Variants in CCDC7 observed in about 807,000 individuals in gnomAD.
The protein encoded by CCDC7 is coiled-coil domain-containing protein 7.
In CCDC7, 183 loss-of-function variants were observed where a neutral mutation model predicts 196.9. The observed-to-expected ratio is 0.93, with a 90% CI of 0.82 to 1.05. CCDC7 has a LOEUF of 1.05. Ranked by LOEUF, CCDC7 falls within the 50% of genes least tolerant of loss-of-function variation. The pLI is 0.00. For missense variants in CCDC7, 1,540 were observed against 1,482.2 expected (o/e 1.04, Z -0.64); for synonymous variants, 525 against 484.6 (o/e 1.08, Z -1.10).
At chr10:32,561,962 A>G (rs2055755220) in intron 13 of CCDC7, among the ~76,000 whole-genome samples, 1 of 152,018 alleles carries the variant, frequency 6.6e-6, no homozygotes, top group African/African-American at 2.4e-5. Flanking sequence ...AAAATGATAA[A>G]GGGGATATCA....
chr10:32,454,001 A>G (rs1319111685), intron 2 of CCDC7, among the ~76,000 whole-genome samples: 5 of 152,264 alleles, frequency 3.3e-5, no homozygotes, highest in Non-Finnish European at 7.3e-5. Flanking sequence ...GGTATAGCAT[A>G]CAATGAAATA....
intron 18 of CCDC7, among the ~76,000 whole-genome samples, chr10:32,596,599 A>G (rs140293935): frequency 0.052 from 7,851 of 152,226 alleles, 667 homozygotes; most frequent in African/African-American, 0.18. Context: ...TATTTTGCTC[A>G]TTAGTTGATG....
chr10:32,639,913 G>A (rs557002226), intron 20 of CCDC7, among the ~76,000 whole-genome samples: 11 of 152,134 alleles, frequency 7.2e-5, no homozygotes, highest in South Asian at 2.1e-4. Flanking sequence ...CACTGCACCC[G>A]ACCAATTTCT....
intron 29 of CCDC7, among the ~76,000 whole-genome samples, chr10:32,785,430 A>G (rs1478460354): frequency 6.6e-6 from 1 of 152,188 alleles, no homozygotes; most frequent in Non-Finnish European, 1.5e-5. Context: ...TTAAAACACT[A>G]CACATAAGCA....
intron 9 of CCDC7, chr10:32,514,511 A>G (rs1046740390): frequency 6.6e-6 from 1 of 152,230 alleles, no homozygotes; most frequent in African/African-American, 2.4e-5. Flanking sequence ...CAGAGGGAGC[A>G]TGGCTGTGCC....
chr10:32,747,508 A>G (rs553301440), intron 28 of CCDC7, among the ~76,000 whole-genome samples: 1 of 152,314 alleles, frequency 6.6e-6, no homozygotes, highest in East Asian at 1.9e-4. Context: ...TGGAACTCAA[A>G]TCAATAAGCA....
chr10:32,584,189 T>TAC (rs2059011689), intron 17 of CCDC7, 43 bp from the exon 19 acceptor site: 1 of 1,049,162 alleles, frequency 9.5e-7, no homozygotes, highest in African/African-American at 1.6e-5. Flanking sequence ...TATATATATA[T>TAC]GTATATAATT....
chr10:32,828,823 C>T (rs2091784875), intron 32 of CCDC7, among the ~76,000 whole-genome samples: 1 of 152,164 alleles, frequency 6.6e-6, no homozygotes, highest in Non-Finnish European at 1.5e-5. Flanking sequence ...GGAAGTGGCA[C>T]CACTCACCAT....
At chr10:32,709,992 A>G (rs559828953) in intron 24 of CCDC7, among the ~76,000 whole-genome samples, 18 of 152,298 alleles carry the variant, frequency 1.2e-4, no homozygotes, top group African/African-American at 4.1e-4. Flanking sequence ...GTCATAGGGA[A>G]GAGAGCATGG....
intron 20 of CCDC7, among the ~76,000 whole-genome samples, chr10:32,656,013 T>C (rs1355326368): frequency 2.6e-5 from 4 of 152,206 alleles, no homozygotes; most frequent in African/African-American, 7.2e-5. Flanking sequence ...TGTCTCTTCA[T>C]ACTGTTGATA....
intron 33 of CCDC7, 58 bp from the exon 35 acceptor site, chr10:32,845,185 C>A: frequency 9.6e-7 from 1 of 1,041,146 alleles, no homozygotes; most frequent in Non-Finnish European, 1.4e-6. Context: ...CATACACATA[C>A]TCAGATTTGG....
intron 25 of CCDC7, among the ~76,000 whole-genome samples, chr10:32,720,953 C>T (rs957349014): frequency 2.0e-5 from 3 of 152,160 alleles, no homozygotes; most frequent in East Asian, 1.9e-4. Flanking sequence ...ATTAGCCATG[C>T]GTAGTGGCTC....
intron 28 of CCDC7, among the ~76,000 whole-genome samples, chr10:32,731,762 A>C (rs2084002813): frequency 6.6e-6 from 1 of 152,168 alleles, no homozygotes; most frequent in African/African-American, 2.4e-5. Context: ...AAGTCTTATA[A>C]AACTGATAGG....
chr10:32,658,502 G>T (rs372211245), intron 20 of CCDC7, among the ~76,000 whole-genome samples: 1 of 152,010 alleles, frequency 6.6e-6, no homozygotes, highest in Non-Finnish European at 1.5e-5. Flanking sequence ...GGAGGTTGGC[G>T]CCCTCATCAT....
chr10:32,471,041 A>C (rs1564373620), intron 5 of CCDC7, 23 bp from the exon 7 acceptor site: 1 of 1,547,376 alleles, frequency 6.5e-7, no homozygotes. Context: ...TTACTAAATA[A>C]CTGGTTAATT....
intron 7 of CCDC7, among the ~76,000 whole-genome samples, chr10:32,473,509 G>GT (rs559470788): frequency 1.5e-3 from 225 of 152,280 alleles, no homozygotes; most frequent in Middle Eastern, 0.014. Flanking sequence ...TTTTAGAGAA[G>GT]TTTTTTCCTG....
intron 28 of CCDC7, among the ~76,000 whole-genome samples, chr10:32,729,893 G>C (rs757519346): frequency 6.6e-6 from 1 of 151,768 alleles, no homozygotes; most frequent in Non-Finnish European, 1.5e-5. Flanking sequence ...GTATTTGCTT[G>C]ATACGTTTTT....
intron 39 of CCDC7, 77 bp downstream of exon 40, chr10:32,848,795 C>G: frequency 8.8e-7 from 1 of 1,142,776 alleles, no homozygotes; most frequent in Non-Finnish European, 1.3e-6. Context: ...TTTTCATTTA[C>G]TCTTTTTGCA....
intron 41 of CCDC7, among the ~76,000 whole-genome samples, chr10:32,865,427 AC>A (rs2094168192): frequency 6.7e-6 from 1 of 150,300 alleles, no homozygotes; most frequent in Non-Finnish European, 1.5e-5. Flanking sequence ...ACACACACAC[AC>A]ACACGAGAAT....
Sources: gnomAD v4.1 joint callset for allele counts (sites outside exome capture counted in the v4.1 genomes callset) on GRCh38, gnomAD v4.1.1 for gene constraint, MANE v1.5 for transcripts, NCBI Gene and HGNC (gene_info 2026-07-23, HGNC 2026-07-21) for gene names.